The following DDI2 variants were observed in gnomAD, a reference collection of about 807,000 sequenced individuals.
The protein encoded by DDI2 is DDI proteasomal shuttling factor 2, also known as protein DDI1 homolog 2.
In DDI2, 5 loss-of-function variants were observed where a neutral mutation model predicts 48.1. The ratio of observed to expected loss-of-function variants is 0.10; its 90% CI spans 0.05 to 0.22. The LOEUF is 0.22. Among genes scored for constraint, DDI2 ranks in the 10% least tolerant of loss-of-function variants. The pLI is 1.00. For synonymous variants in DDI2, 205 were observed against 183.6 expected, an observed-to-expected ratio of 1.12 and a Z score of -0.94; for missense variants, 285 against 506.2, an observed-to-expected ratio of 0.56 and a Z score of 4.19.
intron 2 of DDI2, among the ~76,000 whole-genome samples, chr1:15,628,371 A>G (rs1468870015): frequency 1.3e-5 from 2 of 152,244 alleles, no homozygotes; most frequent in African/African-American, 4.8e-5. Flanking sequence ...GAAATGTTAC[A>G]TCATGAGTTT....
chr1:15,637,257 A>G (rs868085357), intron 4 of DDI2, among the ~76,000 whole-genome samples: 1 of 152,108 alleles, frequency 6.6e-6, no homozygotes, highest in Non-Finnish European at 1.5e-5. Flanking sequence ...GGGTTTCACC[A>G]TGTTGCCCGG....
Position 15,661,185 on chromosome 1 carries a change from A to C in DDI2, c.*1395A>C. 1 of 1,614,188 alleles carries C rather than the reference A, an allele frequency of 6.2e-7. No homozygotes were observed. The highest frequency in any genetic ancestry group is 8.5e-7 in the Non-Finnish European group (1 of 1,180,022). On this transcript the variant is annotated 3_prime_UTR_variant, in exon 10 of 10. Transcript: ENST00000480945. The stretch of plus-strand genomic sequence containing the variant: ...GTACTTCATCTGACACTGGAAGAGA[A>C]GCTGTAGAAAATGTAAACTTCAGGA...
chr1:15,650,486 T>G (rs1296957568), intron 7 of DDI2, among the ~76,000 whole-genome samples: 1 of 152,170 alleles, frequency 6.6e-6, no homozygotes, highest in Non-Finnish European at 1.5e-5. Flanking sequence ...GGTACATGCC[T>G]GTAATTCCAG....
chr1:15,651,747 C>G lies in DDI2; in HGVS notation c.1035C>G (p.Thr345=), dbSNP rs1376178316. The change falls in exon 8 of 10, where the codon ACC becomes ACG. Residue 345 remains threonine (T), a synonymous_variant. Transcript: ENST00000480945. ...AGAAAAATGTACTCGTGATCGGCAC[C>G]ACAGGCTCCCAGACCACCTTTCTTC... is the stretch of plus-strand genomic sequence containing the variant. ...DLKKNVLVIG[T]TGSQTTFLPE... is the part of the protein sequence containing the mutation. 10 of 1,613,384 alleles carry G rather than the reference C, an allele frequency of 6.2e-6. No homozygotes were observed. The highest frequency in any genetic ancestry group is 8.5e-6 in the Non-Finnish European group (10 of 1,179,632).
At chr1:15,630,657 T>C (rs530891266) in intron 3 of DDI2, 96 bp downstream of exon 3, 39 of 852,606 alleles carry the variant, frequency 4.6e-5, no homozygotes, top group Middle Eastern at 6.7e-4. Context: ...CTGTGTCACA[T>C]GATTTATTGA....
intron 1 of DDI2, among the ~76,000 whole-genome samples, chr1:15,625,844 C>T (rs909356925): frequency 3.3e-5 from 5 of 152,192 alleles, no homozygotes; most frequent in Admixed American, 2.0e-4. Flanking sequence ...GTCTCGAACC[C>T]CTGACCTCGT....
chr1:15,655,646 G>A (rs1056477396), intron 8 of DDI2, among the ~76,000 whole-genome samples: 9 of 151,822 alleles, frequency 5.9e-5, no homozygotes, highest in Admixed American at 4.6e-4. Flanking sequence ...CCAGCTACTC[G>A]GGAGGCTGAG....
chr1:15,648,194 A>G (rs1640120498), intron 6 of DDI2, among the ~76,000 whole-genome samples: 1 of 152,250 alleles, frequency 6.6e-6, no homozygotes. Context: ...CAGGAATACC[A>G]TAAACTGGTT....
chr1:15,655,231 T>G (rs923061659), intron 8 of DDI2, among the ~76,000 whole-genome samples: 3 of 152,194 alleles, frequency 2.0e-5, no homozygotes, highest in Non-Finnish European at 2.9e-5. Context: ...AATGAAATAA[T>G]TCTACATATC....
chr1:15,643,173 T>C (rs1475112933), intron 5 of DDI2, among the ~76,000 whole-genome samples: 1 of 152,202 alleles, frequency 6.6e-6, no homozygotes, highest in Non-Finnish European at 1.5e-5. Context: ...GGCGACGGCT[T>C]AGAGATACTC....
Position 15,659,989 on chromosome 1 carries a change from A to C in DDI2, c.*199A>C. ...TGTCTCTGCTTCAGTCTGCCCTATC[A>C]AGCCCAGTGACTCAGATCGCATTGA... On this transcript the variant is annotated 3_prime_UTR_variant, in exon 10 of 10. Transcript: ENST00000480945. 2 of 1,614,214 alleles carry C rather than the reference A, an allele frequency of 1.2e-6. No individual in the cohort carries two copies. Among genetic ancestry groups the C allele is most frequent in the Non-Finnish European group, 1.7e-6 (2 of 1,180,032 alleles).
intron 2 of DDI2, among the ~76,000 whole-genome samples, chr1:15,627,959 T>C (rs1639783693): frequency 6.6e-6 from 1 of 152,208 alleles, no homozygotes; most frequent in South Asian, 2.1e-4. Context: ...TTAAAACTTC[T>C]TTCTGAAGAA....
chr1:15,617,597 A>ACGC lies in DDI2; in HGVS notation c.-66_-64dup. On this transcript the variant is annotated 5_prime_UTR_variant, in exon 1 of 10. Coordinates refer to ENST00000480945, the MANE Select transcript of DDI2 (RefSeq NM_032341.5). ...GTCCTCCCGCAGCACCAGCCAGGCC[A>ACGC]CGCCGCCGCCTCTTCCCCTGCGCCC... The ACGC allele has an allele frequency of 8.1e-7, 1 of 1,231,974 alleles. No individual in the cohort carries two copies. Among genetic ancestry groups the ACGC allele is most frequent in the Non-Finnish European group, 1.0e-6 (1 of 975,538 alleles). 76.3% of individuals were successfully genotyped at this position (1,231,974 alleles called of 1,614,324 possible).
Position 15,660,560 on chromosome 1 carries a change from A to C in DDI2, c.*770A>C. On this transcript the variant is annotated 3_prime_UTR_variant, in exon 10 of 10. Transcript: ENST00000480945. ...CAGAATGTGGATCCTCCAAGTGCGA[A>C]GAAAAGTATTCCATCTTCAGAATGC... 1 of 1,613,294 alleles carries C rather than the reference A, an allele frequency of 6.2e-7. No individual in the cohort carries two copies. The highest frequency in any genetic ancestry group is 8.5e-7 in the Non-Finnish European group (1 of 1,179,762).
At chr1:15,652,445 CCGG>C (rs1261719084) in intron 8 of DDI2, among the ~76,000 whole-genome samples, 4 of 7,542 alleles carry the variant, frequency 5.3e-4, no homozygotes, top group Admixed American at 1.4e-3. Flanking sequence ...TTGGGAGGCT[CCGG>C]AGGGGGGGGG....
intron 3 of DDI2, among the ~76,000 whole-genome samples, 178 bp from the exon 4 acceptor site, chr1:15,633,261 T>G (rs1441016897): frequency 1.3e-5 from 2 of 152,144 alleles, no homozygotes; most frequent in Non-Finnish European, 2.9e-5. Flanking sequence ...ATTTAAATGA[T>G]GAAATAGCCT....
Position 15,660,332 on chromosome 1 carries a change from A to G in DDI2, c.*542A>G. ...CTAGGTGAAAAGGATTGGCATCCAG[A>G]AAATCAGAACCTGAGTCAAGTGAGT... On this transcript the variant is annotated 3_prime_UTR_variant, in exon 10 of 10. Transcript: ENST00000480945. The G allele has an allele frequency of 6.2e-7, 1 of 1,614,196 alleles. No homozygotes were observed.
chr1:15,623,108 ATGGAG>A (rs1639695750), intron 1 of DDI2, among the ~76,000 whole-genome samples: 1 of 152,216 alleles, frequency 6.6e-6, no homozygotes, highest in Admixed American at 6.6e-5. Flanking sequence ...CTAAGCAGTG[ATGGAG>A]TGAAGTATGG....
chr1:15,654,960 C>T (rs1364456355), intron 8 of DDI2, among the ~76,000 whole-genome samples: 3 of 144,694 alleles, frequency 2.1e-5, no homozygotes, highest in Non-Finnish European at 4.5e-5. Flanking sequence ...TTCCTTTTAA[C>T]CTCCACAGTC....
Sources: gnomAD v4.1 joint callset for allele counts (sites outside exome capture counted in the v4.1 genomes callset) on GRCh38, gnomAD v4.1.1 for gene constraint, MANE v1.5 for transcripts, NCBI Gene and HGNC (gene_info 2026-07-23, HGNC 2026-07-21) for gene names.